ANKS1B: variants seen among roughly 807,000 people sequenced by gnomAD.
ANKS1B encodes the protein ankyrin repeat and sterile alpha motif domain-containing protein 1B.
ANKS1B carries 36 observed loss-of-function variants against 148.3 expected under a neutral mutation model. The ratio of observed to expected loss-of-function variants is 0.24; its 90% CI spans 0.19 to 0.32. The LOEUF is 0.32. Among genes scored for constraint, ANKS1B ranks in the 10% least tolerant of loss-of-function variants. ANKS1B has a pLI of 1.00. For missense variants in ANKS1B, 1,157 were observed against 1,542.6 expected (o/e 0.75, Z 4.19); for synonymous variants, 542 against 560.8 (o/e 0.97, Z 0.47).
chr12:98,795,301 T>C (rs2098937928), intron 22 of ANKS1B, among the ~76,000 whole-genome samples: 1 of 152,234 alleles, frequency 6.6e-6, no homozygotes, highest in African/African-American at 2.4e-5. Flanking sequence ...CTGTTTTGCT[T>C]CATTTGCATC....
chr12:99,813,363 T>C (rs1021629748), intron 2 of ANKS1B, among the ~76,000 whole-genome samples: 6 of 151,418 alleles, frequency 4.0e-5, no homozygotes, highest in Middle Eastern at 3.2e-3. Flanking sequence ...AATGAAATGC[T>C]AGTCAGACAC....
intron 9 of ANKS1B, among the ~76,000 whole-genome samples, chr12:99,562,646 T>C (rs1469483799): frequency 6.6e-6 from 1 of 152,174 alleles, no homozygotes; most frequent in Non-Finnish European, 1.5e-5. Flanking sequence ...CTTCTTCACA[T>C]GGTGGCAGGA....
chr12:98,744,479 T>C lies in ANKS1B; in HGVS notation c.*1260A>G. ...GAACAATATACATTAAAATGTTATTTTTTTCTATAATGATATTGGTACTGT... is the reference window on the plus strand; with the variant it reads ...GAACAATATACATTAAAATGTTATTCTTTTCTATAATGATATTGGTACTGT... On this transcript the variant is annotated 3_prime_UTR_variant, in exon 27 of 27. Transcript: ENST00000683438. 1.5e-6 allele frequency: 1 copy of C among 671,544 alleles called. No individual in the cohort carries two copies. Among genetic ancestry groups the C allele is most frequent in the Non-Finnish European group, 1.8e-6 (1 of 543,418 alleles). The allele number at this position is 671,544 out of a possible 1,614,324, so 41.6% of individuals were successfully genotyped here.
At chr12:98,852,779 C>G (rs1181685728) in intron 17 of ANKS1B, among the ~76,000 whole-genome samples, 1 of 152,050 alleles carries the variant, frequency 6.6e-6, no homozygotes, top group African/African-American at 2.4e-5. Flanking sequence ...ATTGCCTCCT[C>G]CATTAAAATG....
chr12:99,424,669 A>G (rs551581458), intron 11 of ANKS1B, among the ~76,000 whole-genome samples: 14 of 151,664 alleles, frequency 9.2e-5, no homozygotes, highest in Admixed American at 7.2e-4. Context: ...ACCCATAAGG[A>G]AAATTTTAAC....
At chr12:99,198,321 T>A (rs2081631874) in intron 14 of ANKS1B, among the ~76,000 whole-genome samples, 1 of 152,162 alleles carries the variant, frequency 6.6e-6, no homozygotes, top group South Asian at 2.1e-4. Flanking sequence ...TGTGTATGCA[T>A]GAAAAATCAT....
intron 12 of ANKS1B, among the ~76,000 whole-genome samples, chr12:99,302,778 G>A (rs925317297): frequency 6.6e-6 from 1 of 152,126 alleles, no homozygotes; most frequent in African/African-American, 2.4e-5. Flanking sequence ...TCTTATGCAA[G>A]TATAAAGTTA....
At chr12:99,595,394 T>C (rs929027597) in intron 9 of ANKS1B, among the ~76,000 whole-genome samples, 1 of 151,898 alleles carries the variant, frequency 6.6e-6, no homozygotes, top group African/African-American at 2.4e-5. Context: ...TGTGTGAAAA[T>C]AGTATGAATT....
chr12:99,929,622 T>C (rs1326109198), intron 1 of ANKS1B, among the ~76,000 whole-genome samples: 1 of 152,224 alleles, frequency 6.6e-6, no homozygotes, highest in Non-Finnish European at 1.5e-5. Context: ...AGGGTTTTTA[T>C]GGTTTTAGGT....
chr12:98,973,229 T>A (rs201104315), intron 17 of ANKS1B, among the ~76,000 whole-genome samples: 17 of 148,440 alleles, frequency 1.1e-4, no homozygotes, highest in South Asian at 2.1e-4. Context: ...AAAAAAATAA[T>A]AAAGAAAATA....
chr12:99,913,888 C>A (rs7308069), intron 1 of ANKS1B, among the ~76,000 whole-genome samples: 14,606 of 151,914 alleles, frequency 0.096, 814 homozygotes, highest in African/African-American at 0.14. Context: ...AAACAATAGG[C>A]AAATTTATTA....
intron 9 of ANKS1B, among the ~76,000 whole-genome samples, chr12:99,575,663 G>A (rs1567388132): frequency 6.6e-6 from 1 of 151,900 alleles, no homozygotes; most frequent in Non-Finnish European, 1.5e-5. Context: ...AACAGTATGG[G>A]GAAAAACACC....
chr12:98,781,479 T>G (rs1185979075), intron 23 of ANKS1B: 2 of 543,234 alleles, frequency 3.7e-6, no homozygotes, highest in Non-Finnish European at 7.0e-6. Flanking sequence ...TTTGTGTGGA[T>G]GAAGGAGTAC....
chr12:99,227,454 C>T (rs1243928096), intron 14 of ANKS1B, among the ~76,000 whole-genome samples: 1 of 152,112 alleles, frequency 6.6e-6, no homozygotes, highest in Non-Finnish European at 1.5e-5. Context: ...TATAGTAAGG[C>T]AAGAACAGCC....
intron 1 of ANKS1B, among the ~76,000 whole-genome samples, chr12:99,929,634 T>C (rs1284217573): frequency 5.3e-5 from 8 of 152,212 alleles, no homozygotes; most frequent in Admixed American, 2.0e-4. Flanking sequence ...GTTTTAGGTC[T>C]AACATTTAAG....
intron 14 of ANKS1B, among the ~76,000 whole-genome samples, chr12:99,197,804 T>C (rs1221511035): frequency 6.6e-6 from 1 of 152,192 alleles, no homozygotes; most frequent in Non-Finnish European, 1.5e-5. Context: ...ATTTTGATTT[T>C]AGCTCAATCA....
At chr12:99,094,030 G>A (rs563322711) in intron 15 of ANKS1B, among the ~76,000 whole-genome samples, 1 of 152,188 alleles carries the variant, frequency 6.6e-6, no homozygotes, top group Non-Finnish European at 1.5e-5. Context: ...GAAATGAGCT[G>A]GCAGAGTCCA....
chr12:99,158,943 C>T (rs145499985), intron 14 of ANKS1B, among the ~76,000 whole-genome samples: 1 of 152,266 alleles, frequency 6.6e-6, no homozygotes, highest in Non-Finnish European at 1.5e-5. Context: ...GTGAGTGTGG[C>T]TGAGAGGTCA....
In ANKS1B at chr12:99,190,910, C is replaced by T. The variant is rs188017637; in HGVS notation, c.2420-36515G>A. On this transcript the variant is annotated intron_variant, in intron 14 of 26. Transcript: ENST00000683438. Reference sequence around the variant, plus strand: ...ACTATCATGAGAGTGAACAGGCAACCTACAGAATGGGAGAAAATTTTTGCA... The same window carrying T: ...ACTATCATGAGAGTGAACAGGCAACTTACAGAATGGGAGAAAATTTTTGCA... Among the ~76,000 whole-genome samples the T allele has an allele frequency of 7.9e-3, 1,206 of 152,046 alleles. 20 individuals are homozygous for T. Among genetic ancestry groups the T allele is most frequent in the African/African-American group, 0.028 (1,158 of 41,482 alleles).
Sources: gnomAD v4.1 joint callset for allele counts (sites outside exome capture counted in the v4.1 genomes callset) on GRCh38, gnomAD v4.1.1 for gene constraint, MANE v1.5 for transcripts, NCBI Gene and HGNC (gene_info 2026-07-23, HGNC 2026-07-21) for gene names.